Variants in FARP1 observed in about 807,000 individuals in gnomAD.
The protein encoded by FARP1 is FERM, ARH/RhoGEF and pleckstrin domain protein 1.
Under a neutral mutation model 128.8 loss-of-function variants are expected in FARP1, and 52 were observed. The ratio of observed to expected loss-of-function variants is 0.40; its 90% confidence interval spans 0.32 to 0.51. The LOEUF is 0.51. Ranked by LOEUF, FARP1 falls within the 20% of genes least tolerant of loss-of-function variation. FARP1 has a pLI of 0.45. For synonymous variants in FARP1, 580 were observed against 551.8 expected, an observed-to-expected ratio of 1.05 and a Z score of -0.72; for missense variants, 1,333 against 1,367.9, an observed-to-expected ratio of 0.97 and a Z score of 0.40.
At chr13:98,262,208 CATG>C (rs1883918848) in intron 2 of FARP1, among the ~76,000 whole-genome samples, 1 of 147,068 alleles carries the variant, frequency 6.8e-6, no homozygotes, top group Non-Finnish European at 1.5e-5. Flanking sequence ...TTTAAAGAAA[CATG>C]GTTTTACCAT....
intron 1 of FARP1, among the ~76,000 whole-genome samples, chr13:98,198,836 C>T (rs1879742040): frequency 7.1e-6 from 1 of 141,842 alleles, no homozygotes; most frequent in Admixed American, 7.1e-5. Context: ...TGAGATTGCA[C>T]CACTGCACTC....
chr13:98,311,988 C>T (rs1457198444), intron 2 of FARP1, among the ~76,000 whole-genome samples: 1 of 151,634 alleles, frequency 6.6e-6, no homozygotes, highest in Non-Finnish European at 1.5e-5. Context: ...GGATTATAGG[C>T]ACCTACCACC....
intron 1 of FARP1, among the ~76,000 whole-genome samples, chr13:98,170,846 C>A (rs1007121106): frequency 5.3e-5 from 8 of 152,150 alleles, no homozygotes; most frequent in African/African-American, 1.9e-4. Context: ...ATGTGACTTT[C>A]ATTTTGCAGG....
At chr13:98,441,688 C>T (rs536802340) in intron 24 of FARP1, among the ~76,000 whole-genome samples, 11 of 152,098 alleles carry the variant, frequency 7.2e-5, no homozygotes, top group South Asian at 2.1e-4. Flanking sequence ...TTAGGGTGAC[C>T]GTTTTTGGTT....
chr13:98,243,504 G>A (rs1882892843), intron 2 of FARP1, among the ~76,000 whole-genome samples: 1 of 151,752 alleles, frequency 6.6e-6, no homozygotes, highest in Admixed American at 6.6e-5. Context: ...GATGAACTTG[G>A]CCAAGATAGT....
At chr13:98,358,001 C>T (rs1002085430) in intron 3 of FARP1, among the ~76,000 whole-genome samples, 2 of 152,036 alleles carry the variant, frequency 1.3e-5, no homozygotes, top group African/African-American at 4.8e-5. Flanking sequence ...GTTTTCCAGA[C>T]TGGCTGATGG....
chr13:98,408,968 C>G (rs931458978), intron 13 of FARP1, among the ~76,000 whole-genome samples: 3 of 151,426 alleles, frequency 2.0e-5, no homozygotes, highest in African/African-American at 7.4e-5. Flanking sequence ...TAATCATTTC[C>G]CCATGTCTCA....
At chr13:98,393,066 G>A (rs585157) in intron 11 of FARP1, among the ~76,000 whole-genome samples, 81,142 of 151,924 alleles carry the variant, frequency 0.53, 22,828 homozygotes, top group East Asian at 0.78. Context: ...CCTGTTTGAT[G>A]GGGAAAAGGG....
intron 13 of FARP1, chr13:98,404,385 C>T (rs529741376): frequency 1.4e-5 from 2 of 146,066 alleles, no homozygotes; most frequent in South Asian, 2.2e-4. Flanking sequence ...TATAAAATAC[C>T]GCCAGCTTTG....
At chr13:98,340,180 C>G (rs1173651129) in intron 2 of FARP1, among the ~76,000 whole-genome samples, 4 of 151,956 alleles carry the variant, frequency 2.6e-5, no homozygotes, top group Admixed American at 2.0e-4. Flanking sequence ...TCCCTTAGTT[C>G]CCAGAACTCT....
intron 2 of FARP1, among the ~76,000 whole-genome samples, chr13:98,280,367 G>T (rs772615620): frequency 6.6e-6 from 1 of 152,052 alleles, no homozygotes; most frequent in Non-Finnish European, 1.5e-5. Flanking sequence ...TTCAGGCCTC[G>T]GCGGCTGCTC....
chr13:98,407,296 TTC>T (rs1304429257), intron 13 of FARP1: 1 of 152,452 alleles, frequency 6.6e-6, no homozygotes, highest in African/African-American at 2.4e-5. Context: ...CTGCCAGAAT[TTC>T]TCTCTTCTAA....
chr13:98,153,576 T>C (rs1407120549), intron 1 of FARP1, among the ~76,000 whole-genome samples: 1 of 53,164 alleles, frequency 1.9e-5, no homozygotes, highest in Non-Finnish European at 6.8e-5. Flanking sequence ...ATTATATATA[T>C]ATTTCGAGAT....
intron 4 of FARP1, 150 bp downstream of exon 4, chr13:98,365,587 T>C (rs1889048650): frequency 1.9e-6 from 1 of 513,756 alleles, no homozygotes; most frequent in Non-Finnish European, 3.5e-6. Flanking sequence ...ATCCGTGTAC[T>C]ATTAAAATGT....
chr13:98,283,398 A>G (rs527679016), intron 2 of FARP1, among the ~76,000 whole-genome samples: 4 of 152,234 alleles, frequency 2.6e-5, no homozygotes, highest in Non-Finnish European at 5.9e-5. Flanking sequence ...TGCCATGTAC[A>G]GCAATTAAAA....
intron 1 of FARP1, among the ~76,000 whole-genome samples, chr13:98,175,466 C>G (rs1877937518): frequency 6.6e-6 from 1 of 152,012 alleles, no homozygotes; most frequent in South Asian, 2.1e-4. Context: ...TCTCCACTCC[C>G]TCCCGGTCTT....
intron 2 of FARP1, chr13:98,329,146 T>C (rs1887372497): frequency 6.6e-6 from 1 of 152,260 alleles, no homozygotes; most frequent in Non-Finnish European, 1.5e-5. Flanking sequence ...TCTGCAAGTT[T>C]AAACTTCGCC....
At chr13:98,359,262 A>G (rs1888765404) in intron 3 of FARP1, among the ~76,000 whole-genome samples, 1 of 152,176 alleles carries the variant, frequency 6.6e-6, no homozygotes, top group Non-Finnish European at 1.5e-5. Context: ...TGAATATTAA[A>G]TGAGAATGTG....
intron 1 of FARP1, among the ~76,000 whole-genome samples, chr13:98,165,145 G>C (rs1877150465): frequency 6.6e-6 from 1 of 150,466 alleles, no homozygotes; most frequent in African/African-American, 2.4e-5. Flanking sequence ...AACCTGGGAG[G>C]TGGAGGTTGC....
Sources: gnomAD v4.1 joint callset for allele counts (sites outside exome capture counted in the v4.1 genomes callset) on GRCh38, gnomAD v4.1.1 for gene constraint, MANE v1.5 for transcripts, NCBI Gene and HGNC (gene_info 2026-07-23, HGNC 2026-07-21) for gene names.